ALPL: variants seen among roughly 807,000 people sequenced by gnomAD.
ALPL encodes the protein alkaline phosphatase, biomineralization associated, also known as alkaline phosphatase, tissue-nonspecific isozyme.
A neutral mutation model predicts 51.3 loss-of-function variants in ALPL; 42 were observed. That is an observed-to-expected ratio of 0.82 (90% CI 0.64 to 1.06). The LOEUF (loss-of-function observed/expected upper bound fraction) is 1.06, where lower values mean the gene tolerates loss of function less well. ALPL is among the 50% of genes least tolerant of loss of function. The pLI, the probability that ALPL is intolerant of heterozygous loss-of-function variation, is 0.00. For missense variants in ALPL, 589 were observed against 709.4 expected, an observed-to-expected ratio of 0.83 and a Z score of 1.93; for synonymous variants, 279 against 296.4, an observed-to-expected ratio of 0.94 and a Z score of 0.60.
At position 21,553,973 on chromosome 1, in the gene ALPL, T is replaced by G; in HGVS notation, c.-104-5T>G. 1.1e-6 allele frequency: 1 copy of G among 932,990 alleles called. No homozygotes were observed. Among genetic ancestry groups the G allele is most frequent in the Non-Finnish European group, 1.8e-6 (1 of 562,768 alleles). 57.8% of individuals were successfully genotyped at this position (932,990 alleles called of 1,614,324 possible). A position where few individuals can be genotyped will look rare whatever the true frequency, so the allele number is the denominator to read the frequency against. On this transcript the variant is annotated splice_polypyrimidine_tract_variant and splice_region_variant and intron_variant, in intron 1 of 11. Transcript: ENST00000374840. Reference sequence around the variant, plus strand: ...TGCCTCTTTTTCTCTTTTTTTAATTTCTAGGATTGGAACATCAGTTAACAT... The same window carrying G: ...TGCCTCTTTTTCTCTTTTTTTAATTGCTAGGATTGGAACATCAGTTAACAT...
At chr1:21,522,534 G>T (rs1349418799) in intron 1 of ALPL, among the ~76,000 whole-genome samples, 2 of 152,154 alleles carry the variant, frequency 1.3e-5, no homozygotes, top group Admixed American at 6.5e-5. Flanking sequence ...CCCAGGACAT[G>T]TGTGTTCCAA....
At position 21,575,913 on chromosome 1, in the gene ALPL, ACT is replaced by A. The variant is rs1344601362; in HGVS notation, c.1181_1182del (p.Ser394TyrfsTer10). 6.2e-7 allele frequency: 1 copy of A among 1,613,972 alleles called. No homozygotes were observed. The highest frequency in any genetic ancestry group is 8.5e-7 in the Non-Finnish European group (1 of 1,179,990). ...TTTGGTGGATACACCCCCCGTGGCA[ACT>A]CTATCTTTGGTAGGTGGGCCTTCTT... On this transcript the variant is annotated frameshift_variant, in exon 10 of 12. Transcript: ENST00000374840. LOFTEE classifies it high-confidence loss of function.
rs60858822 is a variant in ALPL, at chr1:21,554,815, GTCTTTCTTTCTTTCTT to G, written c.61+717_61+732del. On this transcript the variant is annotated intron_variant, in intron 2 of 11. Transcript: ENST00000374840. ...TGTCTGTCTGTCTGTCTGTCTGTCT[GTCTTTCTTTCTTTCTT>G]TCTTTCTTTCTTTCTTTCTTTCTTT... Among the ~76,000 whole-genome samples, 186 of 83,742 alleles carry G rather than the reference GTCTTTCTTTCTTTCTT, an allele frequency of 2.2e-3. 1 individual carries two copies. The highest frequency in any genetic ancestry group is 2.8e-3 in the Admixed American group (21 of 7,534). The allele number at this position is 83,742 out of a possible 152,430, so 54.9% of individuals were successfully genotyped here.
chr1:21,540,416 G>A (rs1194512957), intron 1 of ALPL, among the ~76,000 whole-genome samples: 1 of 152,220 alleles, frequency 6.6e-6, no homozygotes, highest in Admixed American at 6.5e-5. Context: ...GACCCCCAGA[G>A]AAGCTTTGGC....
At chr1:21,531,303 C>T (rs867539937) in intron 1 of ALPL, among the ~76,000 whole-genome samples, 20 of 152,082 alleles carry the variant, frequency 1.3e-4, no homozygotes, top group African/African-American at 4.8e-4. Context: ...CTTTGTTGCC[C>T]AGGCTGTCTC....
chr1:21,552,479 CAA>C (rs34760747), intron 1 of ALPL, among the ~76,000 whole-genome samples: 112 of 123,474 alleles, frequency 9.1e-4, no homozygotes, highest in East Asian at 2.4e-3. Context: ...AACTCCGTCT[CAA>C]AAAAAAAAAA....
intron 1 of ALPL, among the ~76,000 whole-genome samples, chr1:21,541,203 A>G (rs770109539): frequency 2.6e-5 from 4 of 152,118 alleles, no homozygotes; most frequent in Non-Finnish European, 5.9e-5. Flanking sequence ...CCCGCAGTCC[A>G]TCCACCTCAT....
At chr1:21,573,066 T>C (rs1256941683) in intron 8 of ALPL, among the ~76,000 whole-genome samples, 4 of 152,178 alleles carry the variant, frequency 2.6e-5, no homozygotes, top group African/African-American at 9.7e-5. Flanking sequence ...ATGGAACACC[T>C]CTGGGCCTCA....
intron 1 of ALPL, among the ~76,000 whole-genome samples, chr1:21,553,075 T>A (rs77499979): frequency 1.3e-5 from 2 of 151,478 alleles, no homozygotes; most frequent in African/African-American, 2.4e-5. Context: ...TTCAAAAAAA[T>A]AAAGAGGAAA....
Position 21,527,549 on chromosome 1 carries a change from CT to C in ALPL, c.-105+18049del, listed in dbSNP as rs560294555. On this transcript the variant is annotated intron_variant, in intron 1 of 11. Transcript: ENST00000374840. ...TGCTGTAACTTTTATTAGCCTTTAA[CT>C]TTTTTTTTTTTTTTTTGAGGTGGAG... is the stretch of plus-strand genomic sequence containing the variant. Among the ~76,000 whole-genome samples, 1,187 of 138,196 alleles carry C rather than the reference CT, an allele frequency of 8.6e-3. 49 individuals carry two copies. The East Asian group carries it at 0.15, about 17-fold the overall frequency. 90.7% of individuals were successfully genotyped at this position (138,196 alleles called of 152,430 possible). A position where few individuals can be genotyped will look rare whatever the true frequency, so the allele number is the denominator to read the frequency against.
At chr1:21,554,293 G>T in intron 2 of ALPL, 151 bp downstream of exon 2, 1 of 726,002 alleles carries the variant, frequency 1.4e-6, no homozygotes, top group Non-Finnish European at 2.5e-6. Context: ...CCTGCTACTT[G>T]CATGTGTTAG....
intron 1 of ALPL, among the ~76,000 whole-genome samples, chr1:21,520,777 C>G (rs777484375): frequency 6.6e-6 from 1 of 152,114 alleles, no homozygotes; most frequent in Non-Finnish European, 1.5e-5. Context: ...ATGAACTCAC[C>G]GAACCATCAA....
At chr1:21,528,710 TC>T (rs1643986944) in intron 1 of ALPL, among the ~76,000 whole-genome samples, 3 of 152,040 alleles carry the variant, frequency 2.0e-5, no homozygotes, top group African/African-American at 7.2e-5. Flanking sequence ...TTTGATGAAG[TC>T]CAATTTACCT....
chr1:21,519,386 C>G (rs1015523979), intron 1 of ALPL, among the ~76,000 whole-genome samples: 6 of 152,242 alleles, frequency 3.9e-5, no homozygotes, highest in African/African-American at 1.4e-4. Context: ...ATGATCATTT[C>G]TCATTGATGA....
chr1:21,528,024 G>GT lies in ALPL; in HGVS notation c.-105+18514dup, dbSNP rs774559710. Among the ~76,000 whole-genome samples, 40 of 146,402 alleles carry GT rather than the reference G, an allele frequency of 2.7e-4. No individual in the cohort carries two copies. The East Asian group carries it at 5.1e-3, about 19-fold the overall frequency. On this transcript the variant is annotated intron_variant, in intron 1 of 11. Coordinates refer to ENST00000374840, the MANE Select transcript of ALPL (RefSeq NM_000478.6). ...GTGTTTTTTTTTTTTTTGTTTTTTTGTTTTTTTGTTTTTTTTGAGACAGTC... is the reference window on the plus strand; with the variant it reads ...GTGTTTTTTTTTTTTTTGTTTTTTTGTTTTTTTTGTTTTTTTTGAGACAGTC...
At chr1:21,561,345 G>A (rs1644482432) in intron 4 of ALPL, 133 bp downstream of exon 4, 1 of 754,410 alleles carries the variant, frequency 1.3e-6, no homozygotes, top group Non-Finnish European at 2.3e-6. Context: ...CCCACCTGGA[G>A]CAGCCACTGC....
chr1:21,562,568 A>G (rs952663954), intron 4 of ALPL, among the ~76,000 whole-genome samples: 1 of 152,086 alleles, frequency 6.6e-6, no homozygotes, highest in Admixed American at 6.6e-5. Flanking sequence ...GGAGACAGGC[A>G]AATAGTTTTG....
intron 9 of ALPL, chr1:21,574,133 T>A (rs377724919): frequency 4.7e-5 from 46 of 985,276 alleles, no homozygotes; most frequent in Non-Finnish European, 5.5e-5. Flanking sequence ...GAAAAGCAAA[T>A]CCGCAGGCCC....
At position 21,575,867 on chromosome 1, in the gene ALPL, G is replaced by C. The variant is rs1553414611; in HGVS notation, c.1132G>C (p.Asp378His). 6.2e-7 allele frequency: 1 copy of C among 1,614,234 alleles called. No homozygotes were observed. Among genetic ancestry groups the C allele is most frequent in the Non-Finnish European group, 8.5e-7 (1 of 1,180,046 alleles). The change falls in exon 10 of 12, where the codon GAC (aspartate) becomes CAC (histidine). Residue 378 changes from aspartate (D) to histidine (H), a missense_variant. Coordinates refer to ENST00000374840, the MANE Select transcript of ALPL (RefSeq NM_000478.6). ...AGACACTCTGACCGTGGTCACTGCG[G>C]ACCATTCCCACGTCTTCACATTTGG... Reference protein sequence around the residue: ...SEDTLTVVTADHSHVFTFGGY... With the variant: ...SEDTLTVVTAHHSHVFTFGGY...
Sources: allele counts gnomAD v4.1 joint callset (sites outside exome capture counted in the v4.1 genomes callset), GRCh38; gene constraint gnomAD v4.1.1; transcripts MANE v1.5; gene names NCBI Gene and HGNC (gene_info 2026-07-23, HGNC 2026-07-21).